Variants in E2F5 observed in about 807,000 individuals in gnomAD.
The protein encoded by E2F5 is transcription factor E2F5.
E2F5 carries 23 observed loss-of-function variants against 39.1 expected under a neutral mutation model. The observed-to-expected ratio is 0.59, with a 90% CI of 0.42 to 0.83. The LOEUF (loss-of-function observed/expected upper bound fraction) is 0.83. E2F5 is among the 40% of genes least tolerant of loss of function. E2F5 has a pLI of 0.00. For synonymous variants in E2F5, 145 were observed against 157.8 expected, an observed-to-expected ratio of 0.92 and a Z score of 0.61; for missense variants, 365 against 406.7, an observed-to-expected ratio of 0.90 and a Z score of 0.88.
intron 1 of E2F5, among the ~76,000 whole-genome samples, chr8:85,184,557 G>C (rs1812287826): frequency 6.6e-6 from 1 of 152,144 alleles, no homozygotes; most frequent in African/African-American, 2.4e-5. Context: ...ATTCAAACAG[G>C]AAAAGAGGAA....
intron 1 of E2F5, among the ~76,000 whole-genome samples, chr8:85,198,992 T>C (rs1026930716): frequency 3.3e-5 from 5 of 152,156 alleles, no homozygotes; most frequent in African/African-American, 7.2e-5. Context: ...AAGTCATTTC[T>C]GATTCCTCTC....
chr8:85,188,654 T>C (rs4150876), intron 1 of E2F5, among the ~76,000 whole-genome samples: 1,542 of 152,260 alleles, frequency 0.01, 33 homozygotes, highest in African/African-American at 0.036. Context: ...AGCCCAGAGA[T>C]TGAGTTTGCC....
At chr8:85,181,781 G>A (rs1344962413) in intron 1 of E2F5, among the ~76,000 whole-genome samples, 3 of 151,340 alleles carry the variant, frequency 2.0e-5, no homozygotes, top group African/African-American at 4.8e-5. Context: ...CCAACATGGC[G>A]AAACCCCGTC....
At chr8:85,197,778 C>A (rs1812612283) in intron 1 of E2F5, among the ~76,000 whole-genome samples, 2 of 152,200 alleles carry the variant, frequency 1.3e-5, no homozygotes, top group Admixed American at 1.3e-4. Context: ...TCAACAGTTA[C>A]AGTGGCAAGC....
chr8:85,186,621 G>GTA (rs902291353), intron 1 of E2F5, among the ~76,000 whole-genome samples: 9 of 146,096 alleles, frequency 6.2e-5, no homozygotes, highest in Admixed American at 2.1e-4. Flanking sequence ...TATATATAAG[G>GTA]TATATATATG....
At chr8:85,208,429 C>A (rs1408027368) in intron 5 of E2F5, among the ~76,000 whole-genome samples, 2 of 152,108 alleles carry the variant, frequency 1.3e-5, no homozygotes, top group South Asian at 4.1e-4. Flanking sequence ...TAAATTAGGT[C>A]TTTTATAAAA....
intron 3 of E2F5, among the ~76,000 whole-genome samples, chr8:85,204,396 A>G (rs992472011): frequency 6.6e-6 from 1 of 151,190 alleles, no homozygotes; most frequent in African/African-American, 2.4e-5. Context: ...TTTTAGGGTC[A>G]TGGATGACGC....
intron 1 of E2F5, among the ~76,000 whole-genome samples, chr8:85,181,745 A>G (rs894124348): frequency 2.6e-5 from 4 of 151,122 alleles, no homozygotes; most frequent in Non-Finnish European, 5.9e-5. Context: ...AGATCACCTG[A>G]GGTCAGGAGT....
intron 1 of E2F5, among the ~76,000 whole-genome samples, chr8:85,179,836 A>G (rs1456346666): frequency 6.6e-6 from 1 of 151,084 alleles, no homozygotes; most frequent in Non-Finnish European, 1.5e-5. Flanking sequence ...ATTTTTTTGT[A>G]ATTTTAGTAG....
intron 4 of E2F5, 99 bp from the exon 5 acceptor site, chr8:85,207,326 G>A: frequency 1.0e-6 from 1 of 988,486 alleles, no homozygotes; most frequent in Non-Finnish European, 1.5e-6. Context: ...CCTAGTTTGG[G>A]ATTGAACCAA....
At chr8:85,200,247 A>C in intron 1 of E2F5, 1 of 313,528 alleles carries the variant, frequency 3.2e-6, no homozygotes, top group Non-Finnish European at 4.5e-6. Flanking sequence ...ACTCTGTCTC[A>C]AAAAAAAAAA....
chr8:85,211,643 GTTTTTTTTTTTTTTTTTTT>G lies in E2F5; in HGVS notation c.884-504_884-486del, dbSNP rs950695727. On this transcript the variant is annotated intron_variant, in intron 6 of 7. Transcript: ENST00000416274. ...TAGAATGATGATGAGGTTTGTTGTT[GTTTTTTTTTTTTTTTTTTT>G]TTTTTTTTTGGCAGGGTCTCACTTT... Among the ~76,000 whole-genome samples the G allele has an allele frequency of 9.6e-5, 5 of 52,196 alleles. No homozygotes were observed. In the South Asian group the frequency reaches 3.3e-3, roughly 34 times the overall value. The allele number at this position is 52,196 out of a possible 152,430, so 34.2% of individuals were successfully genotyped here. A position where few individuals can be genotyped will look rare whatever the true frequency, so the allele number is the denominator to read the frequency against.
At chr8:85,201,768 T>C (rs1812702555) in intron 1 of E2F5, 2 of 180,806 alleles carry the variant, frequency 1.1e-5, no homozygotes, top group African/African-American at 4.8e-5. Context: ...AAATAAGTAA[T>C]GCATCTTTAG....
intron 1 of E2F5, among the ~76,000 whole-genome samples, chr8:85,186,505 G>A (rs1480217284): frequency 6.6e-6 from 1 of 150,918 alleles, no homozygotes; most frequent in Non-Finnish European, 1.5e-5. Context: ...TAAGGTGTGT[G>A]TATGTGTGTG....
intron 1 of E2F5, among the ~76,000 whole-genome samples, chr8:85,182,366 G>A (rs1812238897): frequency 6.6e-6 from 1 of 152,210 alleles, no homozygotes; most frequent in African/African-American, 2.4e-5. Context: ...GGCCAAGATA[G>A]GTTAGATAAC....
intron 3 of E2F5, among the ~76,000 whole-genome samples, chr8:85,205,805 T>C (rs977267977): frequency 6.6e-6 from 1 of 152,170 alleles, no homozygotes; most frequent in Non-Finnish European, 1.5e-5. Flanking sequence ...GACCATTTAA[T>C]ACAAGAACAA....
At chr8:85,188,807 G>C (rs1397296378) in intron 1 of E2F5, among the ~76,000 whole-genome samples, 1 of 152,172 alleles carries the variant, frequency 6.6e-6, no homozygotes, top group Non-Finnish European at 1.5e-5. Flanking sequence ...CCTAGCATTG[G>C]AGCTAAAGGT....
chr8:85,201,618 T>A (rs1356664888), intron 1 of E2F5, among the ~76,000 whole-genome samples: 1 of 152,274 alleles, frequency 6.6e-6, no homozygotes, highest in East Asian at 1.9e-4. Context: ...GATGGCATGA[T>A]TCATTCCTCT....
rs1812866944 is a variant in E2F5, at chr8:85,209,316, A to C, written c.790A>C (p.Lys264Gln). 6.2e-7 allele frequency: 1 copy of C among 1,614,038 alleles called. No homozygotes were observed. Among genetic ancestry groups the C allele is most frequent in the Admixed American group, 1.7e-5 (1 of 60,020 alleles). ...SQSLTPVTPQKSSMATQNLPE... is the reference protein window; with the variant it reads ...SQSLTPVTPQQSSMATQNLPE... ...GTCCTTGACTCCAGTGACTCCACAG[A>C]AATCCAGCATGGCAACTCAAAATCT... is the stretch of plus-strand genomic sequence containing the variant. The change falls in exon 6 of 8, where the codon AAA becomes CAA. Residue 264 changes from lysine to glutamine, a missense_variant. Coordinates refer to ENST00000416274, the MANE Select transcript of E2F5 (RefSeq NM_001951.4).
Sources: gnomAD v4.1 joint callset for allele counts (sites outside exome capture counted in the v4.1 genomes callset) on GRCh38, gnomAD v4.1.1 for gene constraint, MANE v1.5 for transcripts, NCBI Gene and HGNC (gene_info 2026-07-23, HGNC 2026-07-21) for gene names.